The following MMS19 variants were observed in gnomAD, a reference collection of about 807,000 sequenced individuals.
MMS19 encodes MMS19 cytosolic iron-sulfur assembly component.
A neutral mutation model predicts 129.8 loss-of-function variants in MMS19; 77 were observed. The observed-to-expected ratio is 0.59, with a 90% CI of 0.49 to 0.72. The LOEUF is 0.72. Ranked by LOEUF, MMS19 falls within the 30% of genes least tolerant of loss-of-function variation. The pLI is 0.00. For synonymous variants in MMS19, 491 were observed against 502.8 expected (o/e 0.98, Z 0.31); for missense variants, 1,168 against 1,266.3 (o/e 0.92, Z 1.18).
Position 97,461,542 on chromosome 10 carries a change from G to A in MMS19, c.2265C>T (p.Thr755=), listed in dbSNP as rs755794841. 1.0e-5 allele frequency: 16 copies of A among 1,604,668 alleles called. No homozygotes were observed. Among genetic ancestry groups the A allele is most frequent in the East Asian group, 6.7e-5 (3 of 44,618 alleles). ...SCCHSCPFSS[T]AAAKCFAGLL... ...GTCCTGCAAAGCACTTGGCAGCAGC[G>A]GTGGAAGAAAAGGGGCAGCTGTGGC... Residue 755 remains threonine, a synonymous_variant, in exon 23 of 31, where the codon ACC becomes ACT. Coordinates refer to ENST00000438925, the MANE Select transcript of MMS19 (RefSeq NM_022362.5).
At chr10:97,490,295 G>A (rs1297379501) in intron 1 of MMS19, among the ~76,000 whole-genome samples, 1 of 152,090 alleles carries the variant, frequency 6.6e-6, no homozygotes, top group East Asian at 1.9e-4. Context: ...GCCCAGGCTG[G>A]TCTCAAATTC....
At chr10:97,478,709 T>C (rs1328610458) in intron 3 of MMS19, among the ~76,000 whole-genome samples, 1 of 152,134 alleles carries the variant, frequency 6.6e-6, no homozygotes, top group Non-Finnish European at 1.5e-5. Context: ...GCTTACAGGG[T>C]ATGGTCTCTA....
At position 97,484,128 on chromosome 10, in the gene MMS19, C is replaced by A; in HGVS notation, c.136G>T (p.Val46Leu). The change falls in exon 2 of 31, where the codon GTG (valine) becomes TTG (leucine). Residue 46 changes from valine to leucine, a missense_variant. Val to Leu is a conservative substitution (Grantham distance 32, BLOSUM62 1). Coordinates refer to ENST00000438925, the MANE Select transcript of MMS19 (RefSeq NM_022362.5). Reference sequence around the variant, plus strand: ...CCAAGGGCTTCCACAACTTGTAACACTGTATAGTTGCCAGATTTCACATCT... The same window carrying A: ...CCAAGGGCTTCCACAACTTGTAACAATGTATAGTTGCCAGATTTCACATCT... ...AADVKSGNYT[V>L]LQVVEALGSS... 6.5e-7 allele frequency: 1 copy of A among 1,542,514 alleles called. No homozygotes were observed. Among genetic ancestry groups the A allele is most frequent in the Non-Finnish European group, 8.8e-7 (1 of 1,139,376 alleles).
chr10:97,466,255 A>T (rs1315613505), intron 16 of MMS19, 96 bp from the exon 17 acceptor site: 1 of 1,013,724 alleles, frequency 9.9e-7, no homozygotes, highest in Admixed American at 2.1e-5. Context: ...GTGAGCTCCC[A>T]ACGCCTCCTT....
chr10:97,468,478 G>C, intron 12 of MMS19, 72 bp from the exon 13 acceptor site: 1 of 1,414,364 alleles, frequency 7.1e-7, no homozygotes, highest in Non-Finnish European at 9.4e-7. Flanking sequence ...GTCCACAGAG[G>C]TTGGAGACTG....
At chr10:97,462,537 G>T in intron 20 of MMS19, 46 bp downstream of exon 20, 2 of 1,401,788 alleles carry the variant, frequency 1.4e-6, no homozygotes, top group Non-Finnish European at 2.0e-6. Context: ...TCCTAAGAAT[G>T]CTATCCTTCT....
intron 1 of MMS19, among the ~76,000 whole-genome samples, chr10:97,495,877 G>T (rs907474069): frequency 6.6e-6 from 1 of 152,218 alleles, no homozygotes. Flanking sequence ...TGCCTCCCAG[G>T]CTCAAGCGAT....
intron 19 of MMS19, among the ~76,000 whole-genome samples, chr10:97,463,606 A>G (rs1301688772): frequency 4.6e-5 from 7 of 152,252 alleles, no homozygotes; most frequent in Admixed American, 6.5e-5. Context: ...AAGTAAACTA[A>G]TCACATAGCA....
chr10:97,469,255 T>C (rs764699810), intron 11 of MMS19, 151 bp from the exon 12 acceptor site: 4 of 557,370 alleles, frequency 7.2e-6, no homozygotes, highest in African/African-American at 6.1e-5. Flanking sequence ...TCTTCTCAAT[T>C]GGTGTGTTCT....
At chr10:97,469,292 CAG>C (rs746311629) in intron 11 of MMS19, among the ~76,000 whole-genome samples, 188 bp from the exon 12 acceptor site, 22 of 152,166 alleles carry the variant, frequency 1.4e-4, no homozygotes, top group Non-Finnish European at 2.5e-4. Context: ...ACACTCAGGA[CAG>C]AGACACATAC....
At chr10:97,481,761 T>C (rs763526525) in intron 2 of MMS19, among the ~76,000 whole-genome samples, 4 of 151,944 alleles carry the variant, frequency 2.6e-5, no homozygotes, top group Non-Finnish European at 2.9e-5. Context: ...GCCATGACAG[T>C]TGTATTGAAC....
chr10:97,498,418 G>A lies in MMS19; in HGVS notation c.-34C>T. Reference sequence around the variant, plus strand: ...CTAGAGACCGTGGGAGGGGATATGGGCGGTGGCTCGAGACGGGCTCTCCGC... The same window carrying A: ...CTAGAGACCGTGGGAGGGGATATGGACGGTGGCTCGAGACGGGCTCTCCGC... On this transcript the variant is annotated 5_prime_UTR_variant, in exon 1 of 31. Coordinates refer to ENST00000438925, the MANE Select transcript of MMS19 (RefSeq NM_022362.5). 1 of 1,570,294 alleles carries A rather than the reference G, an allele frequency of 6.4e-7. No homozygotes were observed. The highest frequency in any genetic ancestry group is 8.6e-7 in the Non-Finnish European group (1 of 1,166,722).
rs141447372 is a variant in MMS19 at position 97,464,048 on chromosome 10, T to G, written c.1757-35A>C. 6.9e-6 allele frequency: 11 copies of G among 1,587,936 alleles called. No individual in the cohort carries two copies. The East Asian group carries it at 2.5e-4, about 36-fold the overall frequency. On this transcript the variant is annotated intron_variant, in intron 18 of 30. Coordinates refer to ENST00000438925, the MANE Select transcript of MMS19 (RefSeq NM_022362.5). ...AGAAAGTGTTCTCTGTAAGGTTTGCTTAAAAGCACTTTCAGGTGTTTCCAA... is the reference window on the plus strand; with the variant it reads ...AGAAAGTGTTCTCTGTAAGGTTTGCGTAAAAGCACTTTCAGGTGTTTCCAA...
Position 97,478,466 on chromosome 10 carries a change from A to T in MMS19, c.263-77T>A, listed in dbSNP as rs570356995. On this transcript the variant is annotated intron_variant, in intron 3 of 30. Coordinates refer to ENST00000438925, the MANE Select transcript of MMS19 (RefSeq NM_022362.5). ...AGAGCTTTGTTCCTTCCCTAAGTCT[A>T]TAACAGTTGTTTCTGTTTGGGTTCC... The T allele has an allele frequency of 3.8e-6, 4 of 1,050,378 alleles. No individual in the cohort carries two copies. The South Asian group carries it at 5.7e-5, about 15-fold the overall frequency. 65.1% of individuals were successfully genotyped at this position (1,050,378 alleles called of 1,614,324 possible). A position where few individuals can be genotyped will look rare whatever the true frequency, so the allele number is the denominator to read the frequency against.
Position 97,458,545 on chromosome 10 carries a change from C to T in MMS19, c.*147G>A, listed in dbSNP as rs899494857. On this transcript the variant is annotated 3_prime_UTR_variant, in exon 31 of 31. Transcript: ENST00000438925. ...AATATGGACTCTTATGTTCTTTGTACAGCCATGCAACAGAGGCCTAGCATT... is the reference window on the plus strand; with the variant it reads ...AATATGGACTCTTATGTTCTTTGTATAGCCATGCAACAGAGGCCTAGCATT... 4 of 716,162 alleles carry T rather than the reference C, an allele frequency of 5.6e-6. No homozygotes were observed. Among genetic ancestry groups the T allele is most frequent in the Non-Finnish European group, 6.9e-6 (3 of 436,738 alleles). The allele number at this position is 716,162 out of a possible 1,614,324, so 44.4% of individuals were successfully genotyped here.
intron 1 of MMS19, among the ~76,000 whole-genome samples, chr10:97,492,090 AT>A (rs1371991722): frequency 1.3e-5 from 2 of 150,136 alleles, no homozygotes; most frequent in Non-Finnish European, 3.0e-5. Flanking sequence ...ATGAGCTGAG[AT>A]CATGCCATTG....
At chr10:97,493,681 T>A (rs1187011197) in intron 1 of MMS19, among the ~76,000 whole-genome samples, 1 of 152,230 alleles carries the variant, frequency 6.6e-6, no homozygotes, top group African/African-American at 2.4e-5. Flanking sequence ...CCACTAACTT[T>A]AAGTGATTAA....
chr10:97,468,186 A>T, intron 13 of MMS19, 66 bp downstream of exon 13: 1 of 1,442,604 alleles, frequency 6.9e-7, no homozygotes. Flanking sequence ...AACTTAGCTC[A>T]CTCTCTGAGA....
chr10:97,460,709 A>T lies in MMS19; in HGVS notation c.2455T>A (p.Cys819Ser). 1.3e-6 allele frequency: 2 copies of T among 1,596,886 alleles called. No homozygotes were observed. The highest frequency in any genetic ancestry group is 1.7e-6 in the Non-Finnish European group (2 of 1,171,128). Residue 819 changes from cysteine to serine, a missense_variant, in exon 25 of 31, where the codon TGC (cysteine) becomes AGC (serine). By Grantham distance (112) the Cys-to-Ser change is moderately radical. Coordinates refer to ENST00000438925, the MANE Select transcript of MMS19 (RefSeq NM_022362.5). ...LVLRYHPLSS[C>S]LTARLMGLLS... The stretch of plus-strand genomic sequence containing the variant: ...AAAGGACGTACCCGGGCTGTAAGGC[A>T]GGAGCTGAGAGGATGGTATCTGAGC...
Sources: allele counts gnomAD v4.1 joint callset (sites outside exome capture counted in the v4.1 genomes callset), GRCh38; gene constraint gnomAD v4.1.1; transcripts MANE v1.5; gene names NCBI Gene and HGNC (gene_info 2026-07-23, HGNC 2026-07-21).